Variants in FREM2 observed in about 807,000 individuals in gnomAD.
FREM2 encodes FRAS1-related extracellular matrix protein 2.
In FREM2, 119 loss-of-function variants were observed where a neutral mutation model predicts 219.9. The observed-to-expected ratio is 0.54, with a 90% CI of 0.47 to 0.63. FREM2 has a LOEUF of 0.63. Among genes scored for constraint, FREM2 ranks in the 30% least tolerant of loss-of-function variants. FREM2 has a pLI of 0.00. For missense variants in FREM2, 4,030 were observed against 3,993.6 expected (o/e 1.01, Z -0.25); for synonymous variants, 1,562 against 1,522.8 (o/e 1.03, Z -0.60).
intron 6 of FREM2, among the ~76,000 whole-genome samples, chr13:38,823,749 T>A (rs1876163779): frequency 6.6e-6 from 1 of 152,104 alleles, no homozygotes; most frequent in African/African-American, 2.4e-5. Context: ...TATGGTCATC[T>A]TATTCTTCCT....
chr13:38,725,318 A>G (rs1246679217), intron 2 of FREM2, among the ~76,000 whole-genome samples: 3 of 152,224 alleles, frequency 2.0e-5, no homozygotes, highest in African/African-American at 7.2e-5. Flanking sequence ...AGTAGTAGAC[A>G]AGTAAACAGG....
At position 38,756,375 on chromosome 13, in the gene FREM2, T is replaced by TTATTAACTA. The variant is rs546757235; in HGVS notation, c.5264-7925_5264-7917dup. On this transcript the variant is annotated intron_variant, in intron 2 of 23. Coordinates refer to ENST00000280481, the MANE Select transcript of FREM2 (RefSeq NM_207361.6). ...ATGTGTGTTTCTATTTAAAGACACC[T>TTATTAACTA]TATTAACTATATGTTGTTGATTCAT... 8.5e-5 allele frequency among the ~76,000 whole-genome samples: 13 copies of TTATTAACTA among 152,292 alleles called. No individual in the cohort carries two copies. The East Asian group carries it at 2.3e-3, about 27-fold the overall frequency.
chr13:38,768,099 G>A (rs1361444117), intron 3 of FREM2, among the ~76,000 whole-genome samples: 3 of 152,068 alleles, frequency 2.0e-5, no homozygotes, highest in Non-Finnish European at 4.4e-5. Context: ...AGTACTCAAT[G>A]AATATTTGTG....
intron 2 of FREM2, 64 bp downstream of exon 2, chr13:38,697,851 T>C (rs1355614114): frequency 1.0e-5 from 9 of 892,012 alleles, no homozygotes; most frequent in Admixed American, 3.5e-5. Flanking sequence ...TGCTCTCTGA[T>C]GACATTATTA....
rs1408149139 is a variant in FREM2, at chr13:38,688,182, A to G, written c.838A>G (p.Ile280Val). Residue 280 changes from isoleucine (I) to valine (V), a missense_variant, in exon 1 of 24, where the codon ATA becomes GTA. Coordinates refer to ENST00000280481, the MANE Select transcript of FREM2 (RefSeq NM_207361.6). ...AASRSPNRDW[I>V]PMVVELRSRG... ...CAGTCGCTCACCAAACAGGGACTGG[A>G]TACCCATGGTGGTGGAGCTGCGTTC... 15 of 1,613,560 alleles carry G rather than the reference A, an allele frequency of 9.3e-6. No homozygotes were observed. Among genetic ancestry groups the G allele is most frequent in the Non-Finnish European group, 1.3e-5 (15 of 1,179,828 alleles).
At chr13:38,817,260 C>T (rs539866532) in intron 6 of FREM2, among the ~76,000 whole-genome samples, 1 of 152,144 alleles carries the variant, frequency 6.6e-6, no homozygotes, top group Admixed American at 6.5e-5. Flanking sequence ...CAAAGCAATC[C>T]TGTGCAAAAA....
chr13:38,769,815 G>A lies in FREM2; in HGVS notation c.5641+7G>A, dbSNP rs758942343. The A allele has an allele frequency of 2.5e-6, 4 of 1,605,340 alleles. No individual in the cohort carries two copies. The South Asian group carries it at 3.3e-5, about 13-fold the overall frequency. Reference sequence around the variant, plus strand: ...ATCGTTGATCCAGGAGATGGTAAGAGCCATCGTCAACTGGTTTATGTTGTT... The same window carrying A: ...ATCGTTGATCCAGGAGATGGTAAGAACCATCGTCAACTGGTTTATGTTGTT... On this transcript the variant is annotated splice_region_variant and intron_variant, in intron 4 of 23. Transcript: ENST00000280481.
chr13:38,772,913 T>G (rs1048888639), intron 4 of FREM2, among the ~76,000 whole-genome samples: 4 of 151,970 alleles, frequency 2.6e-5, no homozygotes, highest in African/African-American at 9.7e-5. Context: ...GCCAGGCTGG[T>G]CTGGAACTCC....
At chr13:38,724,657 C>T (rs1202296123) in intron 2 of FREM2, among the ~76,000 whole-genome samples, 1 of 152,138 alleles carries the variant, frequency 6.6e-6, no homozygotes, top group Non-Finnish European at 1.5e-5. Context: ...GCCATGGAGG[C>T]TGATTTCAGG....
intron 11 of FREM2, 110 bp downstream of exon 11, chr13:38,851,978 C>T: frequency 2.0e-6 from 2 of 990,652 alleles, no homozygotes; most frequent in Non-Finnish European, 3.2e-6. Flanking sequence ...CAAAATAGGG[C>T]ACTCTTTTTT....
At chr13:38,734,738 CTTTTTTTTT>C (rs11314517) in intron 2 of FREM2, among the ~76,000 whole-genome samples, 4 of 89,394 alleles carry the variant, frequency 4.5e-5, no homozygotes, top group Admixed American at 1.8e-4. Flanking sequence ...CAGTGCTATA[CTTTTTTTTT>C]TTTTTTTTTT....
At chr13:38,807,237 T>C in intron 6 of FREM2, among the ~76,000 whole-genome samples, 1 of 57,204 alleles carries the variant, frequency 1.7e-5, no homozygotes, top group Non-Finnish European at 4.5e-5. Flanking sequence ...ATGTATGGTT[T>C]TGTTTTGTTT....
intron 2 of FREM2, among the ~76,000 whole-genome samples, chr13:38,759,862 G>A (rs773449972): frequency 2.9e-4 from 44 of 152,294 alleles, no homozygotes; most frequent in Non-Finnish European, 5.9e-4. Flanking sequence ...AGGAGTTTAC[G>A]TGATAGGTAA....
intron 2 of FREM2, among the ~76,000 whole-genome samples, chr13:38,759,666 G>C (rs1873153376): frequency 6.6e-6 from 1 of 152,176 alleles, no homozygotes; most frequent in African/African-American, 2.4e-5. Context: ...TTCCAATGAG[G>C]TGCTGAGACT....
In FREM2 at chr13:38,831,015, C is replaced by T. The variant is rs141883978; in HGVS notation, c.6020-15558C>T. Among the ~76,000 whole-genome samples, 612 of 152,184 alleles carry T rather than the reference C, an allele frequency of 4.0e-3. 5 individuals carry two copies. Among genetic ancestry groups the T allele is most frequent in the African/African-American group, 0.014 (590 of 41,538 alleles). Reference sequence around the variant, plus strand: ...CAGGAATGTGTGTTTTAAAACCCCTCGGGTACTTGCAGTATAGATCTGTGA... The same window carrying T: ...CAGGAATGTGTGTTTTAAAACCCCTTGGGTACTTGCAGTATAGATCTGTGA... On this transcript the variant is annotated intron_variant, in intron 6 of 23. Coordinates refer to ENST00000280481, the MANE Select transcript of FREM2 (RefSeq NM_207361.6).
At chr13:38,811,249 A>G (rs1267555096) in intron 6 of FREM2, among the ~76,000 whole-genome samples, 1 of 151,944 alleles carries the variant, frequency 6.6e-6, no homozygotes. Context: ...TTGTTTATCA[A>G]TAACAACTTT....
intron 2 of FREM2, among the ~76,000 whole-genome samples, chr13:38,722,645 A>G (rs1244502663): frequency 1.3e-5 from 2 of 152,030 alleles, no homozygotes; most frequent in Non-Finnish European, 2.9e-5. Flanking sequence ...GATTCAGGCA[A>G]TGACAATGCT....
In FREM2 at chr13:38,850,217, A is replaced by G. The variant is rs774467094; in HGVS notation, c.6559A>G (p.Ile2187Val). The stretch of plus-strand genomic sequence containing the variant: ...AGAACGCCCAAACACTGATACCTCC[A>G]TCATCACATTCCTCCCTGGTAAGCT... ...FEERPNTDTS[I>V]ITFLPGETEK... Residue 2187 changes from isoleucine to valine, a missense_variant, in exon 9 of 24, where the codon ATC (isoleucine) becomes GTC (valine). Physicochemically the swap from Ile to Val is conservative, Grantham distance 29. This residue lies in a region of FREM2 where 3,102 missense variants were observed against 2,950.7 expected (regional missense o/e 1.05). Coordinates refer to ENST00000280481, the MANE Select transcript of FREM2 (RefSeq NM_207361.6). The G allele has an allele frequency of 6.2e-6, 10 of 1,613,782 alleles. No homozygotes were observed. The East Asian group carries it at 2.0e-4, about 32-fold the overall frequency.
intron 2 of FREM2, among the ~76,000 whole-genome samples, chr13:38,699,800 A>G (rs1593351283): frequency 6.6e-6 from 1 of 152,078 alleles, no homozygotes; most frequent in East Asian, 1.9e-4. Context: ...TGATTCTTAA[A>G]TTTTTTTAGG....
Sources: allele counts gnomAD v4.1 joint callset (sites outside exome capture counted in the v4.1 genomes callset), GRCh38; gene constraint gnomAD v4.1.1; regional missense constraint gnomAD v4.1.1; transcripts MANE v1.5; gene names NCBI Gene and HGNC (gene_info 2026-07-23, HGNC 2026-07-21).